ZNF557: variants seen among roughly 807,000 people sequenced by gnomAD.
ZNF557 encodes CTB-25J19.9.
Under a neutral mutation model 21.2 loss-of-function variants are expected in ZNF557, and 19 were observed. That is an observed-to-expected ratio of 0.90 (90% CI 0.63 to 1.32). The LOEUF is 1.32. Ranked by LOEUF, ZNF557 falls within the 40% of genes most tolerant of loss-of-function variation. ZNF557 has a pLI of 0.00. For synonymous variants in ZNF557, 207 were observed against 194.8 expected (o/e 1.06, Z -0.52); for missense variants, 487 against 519.8 (o/e 0.94, Z 0.61).
intron 1 of ZNF557, 135 bp from the exon 2 acceptor site, chr19:7,070,427 T>A (rs1432052772): frequency 6.6e-6 from 1 of 152,214 alleles, no homozygotes; most frequent in Non-Finnish European, 1.5e-5. Flanking sequence ...ATTCTTTAAA[T>A]CAATTTTTTT....
chr19:7,080,147 CA>C (rs1977669016), intron 5 of ZNF557, among the ~76,000 whole-genome samples: 1 of 151,972 alleles, frequency 6.6e-6, no homozygotes. Context: ...ACTAAAAATA[CA>C]AAAAAATCAG....
chr19:7,074,357 C>CACAG (rs3222378), intron 2 of ZNF557, among the ~76,000 whole-genome samples: 2 of 150,948 alleles, frequency 1.3e-5, no homozygotes, highest in Non-Finnish European at 3.0e-5. Flanking sequence ...CACACACACA[C>CACAG]AGCCCTTCTT....
chr19:7,074,409 CT>C (rs936222320), intron 2 of ZNF557, among the ~76,000 whole-genome samples: 16 of 150,656 alleles, frequency 1.1e-4, no homozygotes, highest in Admixed American at 9.3e-4. Flanking sequence ...CTATTTGGTA[CT>C]TTTTTTTCCC....
Position 7,084,977 on chromosome 19 carries a change from CAG to C in ZNF557, c.*1234_*1235del, listed in dbSNP as rs1568411621. 2 of 152,036 alleles carry C rather than the reference CAG, an allele frequency of 1.3e-5. No individual in the cohort carries two copies. The highest frequency in any genetic ancestry group is 4.8e-5 in the African/African-American group (2 of 41,382). 9.4% of individuals were successfully genotyped at this position (152,036 alleles called of 1,614,324 possible). A position where few individuals can be genotyped will look rare whatever the true frequency, so the allele number is the denominator to read the frequency against. Reference sequence around the variant, plus strand: ...AACAGAGGAATATGTTGAGTATACACAGTGTTGAAAAGCCTGTGACACAAACA... The same window carrying C: ...AACAGAGGAATATGTTGAGTATACACTGTTGAAAAGCCTGTGACACAAACA... On this transcript the variant is annotated 3_prime_UTR_variant, in exon 8 of 8. Transcript: ENST00000252840.
rs1481561124 is a variant in ZNF557, at chr19:7,083,020, G to C, written c.569G>C (p.Ser190Thr). ...YGCSECGKSY[S>T]SRSYLAVHKR... The stretch of plus-strand genomic sequence containing the variant: ...TGCAGTGAATGTGGGAAATCCTACA[G>C]CAGTAGATCTTACCTTGCTGTTCAT... The change falls in exon 8 of 8, where the codon AGC (serine) becomes ACC (threonine). Residue 190 changes from serine (S) to threonine (T), a missense_variant. Ser to Thr is a moderately conservative substitution (Grantham distance 58). Coordinates refer to ENST00000252840, the MANE Select transcript of ZNF557 (RefSeq NM_024341.3). 4 of 1,614,154 alleles carry C rather than the reference G, an allele frequency of 2.5e-6. No individual in the cohort carries two copies. Among genetic ancestry groups the C allele is most frequent in the Middle Eastern group, 3.3e-4 (2 of 6,062 alleles).
chr19:7,081,511 G>T, intron 6 of ZNF557, 56 bp downstream of exon 6: 1 of 1,149,000 alleles, frequency 8.7e-7, no homozygotes. Context: ...CAGGGACTGA[G>T]AAGTTGGGAG....
intron 2 of ZNF557, among the ~76,000 whole-genome samples, chr19:7,073,151 T>G (rs200392580): frequency 0.021 from 1,433 of 69,550 alleles, 10 homozygotes; most frequent in South Asian, 0.026. Flanking sequence ...TTTTTTGGTT[T>G]TTTTTGTTTT....
chr19:7,079,441 C>T (rs62124467), intron 5 of ZNF557, among the ~76,000 whole-genome samples: 29,016 of 151,634 alleles, frequency 0.19, 3,280 homozygotes, highest in Non-Finnish European at 0.26. Flanking sequence ...CAGGGTTCAC[C>T]GTGTTAGCCA....
chr19:7,078,431 A>G lies in ZNF557; in HGVS notation c.247+1924A>G, dbSNP rs186734497. Among the ~76,000 whole-genome samples the G allele has an allele frequency of 9.6e-3, 1,408 of 147,410 alleles. 28 individuals are homozygous for G. Among genetic ancestry groups the G allele is most frequent in the African/African-American group, 0.033 (1,312 of 39,954 alleles). ...AAGTTTGGCCATTATTTTTACATAT[A>G]TTCCTTTTTTTTTTTTTTTCCCGGA... On this transcript the variant is annotated intron_variant, in intron 5 of 7. Coordinates refer to ENST00000252840, the MANE Select transcript of ZNF557 (RefSeq NM_024341.3).
At chr19:7,073,165 T>TTG (rs1977501690) in intron 2 of ZNF557, among the ~76,000 whole-genome samples, 2 of 149,764 alleles carry the variant, frequency 1.3e-5, no homozygotes, top group African/African-American at 4.9e-5. Flanking sequence ...TTGTTTTTTT[T>TTG]TTTTTGAGAT....
In ZNF557 at chr19:7,076,491, G is replaced by A. The variant is rs1977589864; in HGVS notation, c.231G>A (p.Arg77=). 2 of 1,614,084 alleles carry A rather than the reference G, an allele frequency of 1.2e-6. No individual in the cohort carries two copies. Among genetic ancestry groups the A allele is most frequent in the Non-Finnish European group, 8.5e-7 (1 of 1,179,974 alleles). ...LYRDVMLENC[R]NLASLGNQVD... ...GGGACGTGATGCTGGAGAACTGCAG[G>A]AACCTGGCCTCACTGGGTAAGCCTA... is the stretch of plus-strand genomic sequence containing the variant. Residue 77 remains arginine, a synonymous_variant, in exon 5 of 8, where the codon AGG becomes AGA. Transcript: ENST00000252840.
chr19:7,082,421 C>CAA (rs10641888), intron 7 of ZNF557, among the ~76,000 whole-genome samples: 47,830 of 108,330 alleles, frequency 0.44, 12,167 homozygotes, highest in East Asian at 0.64. Flanking sequence ...GACTCTGTCT[C>CAA]AAAAAAAAAA....
In ZNF557 at chr19:7,083,040, G is replaced by C. The variant is rs1977747896; in HGVS notation, c.589G>C (p.Val197Leu). 2 of 1,614,030 alleles carry C rather than the reference G, an allele frequency of 1.2e-6. No homozygotes were observed. Among genetic ancestry groups the C allele is most frequent in the Non-Finnish European group, 8.5e-7 (1 of 1,179,974 alleles). Residue 197 changes from valine (V) to leucine (L), a missense_variant, in exon 8 of 8, where the codon GTT (valine) becomes CTT (leucine). Transcript: ENST00000252840. ...KSYSSRSYLA[V>L]HKRIHNGEKP... ...CTACAGCAGTAGATCTTACCTTGCTGTTCATAAGAGAATCCACAATGGGGA... is the reference window on the plus strand; with the variant it reads ...CTACAGCAGTAGATCTTACCTTGCTCTTCATAAGAGAATCCACAATGGGGA...
Position 7,082,038 on chromosome 19 carries a change from A to G in ZNF557, c.412A>G (p.Arg138Gly). ...GCATGTTTTTCGAAAAGAACAATCT[A>G]GAAATATGAAAATGGTAAGACTAAC... is the stretch of plus-strand genomic sequence containing the variant. ...KLHVFRKEQS[R>G]NMKMERNHLG... Residue 138 changes from arginine to glycine, a missense_variant, in exon 7 of 8, where the codon AGA becomes GGA. Transcript: ENST00000252840. 16 of 1,613,464 alleles carry G rather than the reference A, an allele frequency of 9.9e-6. No homozygotes were observed. The highest frequency in any genetic ancestry group is 1.3e-5 in the Non-Finnish European group (15 of 1,179,390).
intron 2 of ZNF557, among the ~76,000 whole-genome samples, chr19:7,073,132 G>A (rs1568405550): frequency 1.4e-5 from 2 of 147,184 alleles, no homozygotes; most frequent in African/African-American, 5.0e-5. Context: ...AAATAATACA[G>A]ATATTTGTTT....
chr19:7,079,467 C>T lies in ZNF557; in HGVS notation c.248-1893C>T, dbSNP rs545298292. 5.3e-5 allele frequency among the ~76,000 whole-genome samples: 8 copies of T among 152,046 alleles called. No individual in the cohort carries two copies. The East Asian group carries it at 1.5e-3, about 29-fold the overall frequency. ...GTGTTAGCCAGGATGATCTCGATCT[C>T]CTGACCTTGTGATCCGCCCACCTTG... On this transcript the variant is annotated intron_variant, in intron 5 of 7. Transcript: ENST00000252840.
In ZNF557 at chr19:7,083,316, G is replaced by A. The variant is rs1445791378; in HGVS notation, c.865G>A (p.Glu289Lys). 2 of 1,614,208 alleles carry A rather than the reference G, an allele frequency of 1.2e-6. No individual in the cohort carries two copies. The highest frequency in any genetic ancestry group is 1.7e-6 in the Non-Finnish European group (2 of 1,180,046). ...FTRHKRVHTG[E>K]GHYVCNQCGK... Reference sequence around the variant, plus strand: ...AAGGCACAAGAGAGTTCATACGGGGGAGGGTCATTATGTATGTAATCAGTG... The same window carrying A: ...AAGGCACAAGAGAGTTCATACGGGGAAGGGTCATTATGTATGTAATCAGTG... Residue 289 changes from glutamate to lysine, a missense_variant, in exon 8 of 8, where the codon GAG (glutamate) becomes AAG (lysine). Transcript: ENST00000252840.
At chr19:7,072,088 C>T (rs979393622) in intron 2 of ZNF557, among the ~76,000 whole-genome samples, 7 of 137,888 alleles carry the variant, frequency 5.1e-5, no homozygotes, top group Non-Finnish European at 9.1e-5. Flanking sequence ...TGCACTCCAG[C>T]CTGGGTGACA....
chr19:7,083,958 G>C lies in ZNF557; in HGVS notation c.*214G>C. The C allele has an allele frequency of 1.8e-6, 1 of 547,350 alleles. No individual in the cohort carries two copies. 33.9% of individuals were successfully genotyped at this position (547,350 alleles called of 1,614,324 possible). On this transcript the variant is annotated 3_prime_UTR_variant, in exon 8 of 8. Coordinates refer to ENST00000252840, the MANE Select transcript of ZNF557 (RefSeq NM_024341.3). ...TATAGTTCTTCAGGATATCTCAAGA[G>C]GTTACAGTCCAGATGTCAGCAGAAC...
Sources: allele counts gnomAD v4.1 joint callset (sites outside exome capture counted in the v4.1 genomes callset), GRCh38; gene constraint gnomAD v4.1.1; transcripts MANE v1.5; gene names NCBI Gene and HGNC (gene_info 2026-07-23, HGNC 2026-07-21).